CXXC4: variants seen among roughly 807,000 people sequenced by gnomAD.
CXXC4 encodes the protein CXXC finger protein 4.
CXXC4 carries 5 observed loss-of-function variants against 20.5 expected under a neutral mutation model. That is an observed-to-expected ratio of 0.24 (90% CI 0.13 to 0.51). CXXC4 has a LOEUF of 0.51. Among genes scored for constraint, CXXC4 ranks in the 20% least tolerant of loss-of-function variants. The pLI is 0.97. For missense variants in CXXC4, 419 were observed against 496.4 expected, an observed-to-expected ratio of 0.84 and a Z score of 1.48; for synonymous variants, 250 against 216.4, an observed-to-expected ratio of 1.16 and a Z score of -1.36.
rs1353808306 is a variant in CXXC4 at position 104,468,551 on chromosome 4, A to G, written c.*3771T>C. ...TTTAATAGATAACTGCACAGTTCAG[A>G]AGAGGAGAACACTGTGAAAGGAGTA... On this transcript the variant is annotated 3_prime_UTR_variant, in exon 3 of 3. Coordinates refer to ENST00000394767, the MANE Select transcript of CXXC4 (RefSeq NM_025212.4). 1 of 151,938 alleles carries G rather than the reference A, an allele frequency of 6.6e-6. No individual in the cohort carries two copies. The allele number at this position is 151,938 out of a possible 1,614,324, so 9.4% of individuals were successfully genotyped here. A position where few individuals can be genotyped will look rare whatever the true frequency, so the allele number is the denominator to read the frequency against.
intron 2 of CXXC4, among the ~76,000 whole-genome samples, chr4:104,475,986 A>G (rs1280339039): frequency 6.6e-6 from 1 of 152,122 alleles, no homozygotes; most frequent in Admixed American, 6.6e-5. Context: ...TCTTTCTGGT[A>G]CTGCTGTAAA....
intron 2 of CXXC4, among the ~76,000 whole-genome samples, chr4:104,483,785 A>AAC (rs969241417): frequency 4.0e-5 from 6 of 151,832 alleles, no homozygotes; most frequent in East Asian, 3.8e-4. Context: ...GTGAAACATA[A>AAC]ACACACACAC....
chr4:104,491,476 C>G lies in CXXC4; in HGVS notation c.327G>C (p.Gly109=). ...AATAMLWGSG[G]GGGGGGGGGG... is the part of the protein sequence containing the mutation. ...CACCCCCCCCGCCGCCGCCCCCGCC[C>G]CCGCCGCTGCCCCAGAGCATGGCGG... Residue 109 remains glycine, a synonymous_variant, in exon 2 of 3, where the codon GGG becomes GGC. Coordinates refer to ENST00000394767, the MANE Select transcript of CXXC4 (RefSeq NM_025212.4). 1 of 978,760 alleles carries G rather than the reference C, an allele frequency of 1.0e-6. No homozygotes were observed. Among genetic ancestry groups the G allele is most frequent in the Non-Finnish European group, 1.3e-6 (1 of 784,184 alleles). The allele number at this position is 978,760 out of a possible 1,614,324, so 60.6% of individuals were successfully genotyped here.
At position 104,469,628 on chromosome 4, in the gene CXXC4, T is replaced by C. The variant is rs530257438; in HGVS notation, c.*2694A>G. 6.6e-6 allele frequency: 1 copy of C among 152,118 alleles called. No homozygotes were observed. Among genetic ancestry groups the C allele is most frequent in the South Asian group, 2.1e-4 (1 of 4,824 alleles). 9.4% of individuals were successfully genotyped at this position (152,118 alleles called of 1,614,324 possible). The stretch of plus-strand genomic sequence containing the variant: ...TAGAAGTTCTCAGTACAGGGACATA[T>C]GAGGAAGAAAACTAGAGAAAGGCCA... On this transcript the variant is annotated 3_prime_UTR_variant, in exon 3 of 3. Coordinates refer to ENST00000394767, the MANE Select transcript of CXXC4 (RefSeq NM_025212.4).
intron 2 of CXXC4, among the ~76,000 whole-genome samples, chr4:104,487,301 T>C (rs1456285380): frequency 6.6e-6 from 1 of 152,128 alleles, no homozygotes; most frequent in African/African-American, 2.4e-5. Flanking sequence ...TGTAATTCCA[T>C]AAATCAACTA....
At position 104,468,665 on chromosome 4, in the gene CXXC4, G is replaced by T. The variant is rs1736183430; in HGVS notation, c.*3657C>A. On this transcript the variant is annotated 3_prime_UTR_variant, in exon 3 of 3. Coordinates refer to ENST00000394767, the MANE Select transcript of CXXC4 (RefSeq NM_025212.4). ...TATAGTAGCTGTCTTTTATTCACTA[G>T]GAATACAGATCTCAGTGTGAAATGC... 1 of 149,528 alleles carries T rather than the reference G, an allele frequency of 6.7e-6. No homozygotes were observed. Among genetic ancestry groups the T allele is most frequent in the African/African-American group, 2.5e-5 (1 of 40,456 alleles). The allele number at this position is 149,528 out of a possible 1,614,324, so 9.3% of individuals were successfully genotyped here. A position where few individuals can be genotyped will look rare whatever the true frequency, so the allele number is the denominator to read the frequency against.
In CXXC4 at chr4:104,491,071, G is replaced by T; in HGVS notation, c.732C>A (p.Gly244=). ...CGATGACCCCTGGAGGTAATGAGAT[G>T]CCCCCTAAAGCCGGGATAGCGGAAA... ...GTFSAIPALG[G]ISLPPGVIVM... The change falls in exon 2 of 3, where the codon GGC becomes GGA. Residue 244 remains glycine (G), a synonymous_variant. Coordinates refer to ENST00000394767, the MANE Select transcript of CXXC4 (RefSeq NM_025212.4). 6.2e-7 allele frequency: 1 copy of T among 1,614,058 alleles called. No individual in the cohort carries two copies. The highest frequency in any genetic ancestry group is 8.5e-7 in the Non-Finnish European group (1 of 1,179,996).
At chr4:104,477,532 GT>G (rs1362934852) in intron 2 of CXXC4, among the ~76,000 whole-genome samples, 1 of 151,932 alleles carries the variant, frequency 6.6e-6, no homozygotes, top group Non-Finnish European at 1.5e-5. Flanking sequence ...TCCCCCACAA[GT>G]TTTTAGCAGA....
At chr4:104,493,938 C>A (rs1400137389) in intron 1 of CXXC4, among the ~76,000 whole-genome samples, 1 of 152,146 alleles carries the variant, frequency 6.6e-6, no homozygotes, top group African/African-American at 2.4e-5. Context: ...AGTCTTTTGA[C>A]CTTGTTCCAA....
At chr4:104,488,754 A>G (rs1430346724) in intron 2 of CXXC4, among the ~76,000 whole-genome samples, 1 of 152,258 alleles carries the variant, frequency 6.6e-6, no homozygotes, top group Non-Finnish European at 1.5e-5. Context: ...GCATCAAATT[A>G]AAAAATTACA....
intron 2 of CXXC4, among the ~76,000 whole-genome samples, chr4:104,487,610 C>T (rs906570573): frequency 4.6e-5 from 7 of 152,096 alleles, no homozygotes; most frequent in African/African-American, 1.7e-4. Flanking sequence ...TAATATTTTT[C>T]ATTTAGGATA....
chr4:104,482,236 T>C (rs1488191648), intron 2 of CXXC4, among the ~76,000 whole-genome samples: 1 of 152,182 alleles, frequency 6.6e-6, no homozygotes, highest in Non-Finnish European at 1.5e-5. Context: ...ACCTGCAGTT[T>C]GATAAACACA....
intron 2 of CXXC4, among the ~76,000 whole-genome samples, chr4:104,481,648 G>A (rs1736560234): frequency 6.6e-6 from 1 of 151,978 alleles, no homozygotes; most frequent in Admixed American, 6.6e-5. Flanking sequence ...GAACATTTAG[G>A]GTTCTTTAAG....
At position 104,491,500 on chromosome 4, in the gene CXXC4, G is replaced by T; in HGVS notation, c.303C>A (p.Thr101=). The change falls in exon 2 of 3, where the codon ACC becomes ACA. Residue 101 remains threonine, a synonymous_variant. Coordinates refer to ENST00000394767, the MANE Select transcript of CXXC4 (RefSeq NM_025212.4). ...CDNAATAAAA[T]AMLWGSGGGG... is the part of the protein sequence containing the mutation. ...CCCCGCCGCTGCCCCAGAGCATGGC[G>T]GTGGCGGCGGCGGCGGTGGCCGCGT... The T allele has an allele frequency of 8.1e-7, 1 of 1,239,454 alleles. No individual in the cohort carries two copies. Among genetic ancestry groups the T allele is most frequent in the Non-Finnish European group, 1.0e-6 (1 of 955,694 alleles). 76.8% of individuals were successfully genotyped at this position (1,239,454 alleles called of 1,614,324 possible). A position where few individuals can be genotyped will look rare whatever the true frequency, so the allele number is the denominator to read the frequency against.
At chr4:104,489,662 CTTTG>C (rs572323347) in intron 2 of CXXC4, among the ~76,000 whole-genome samples, 32 of 152,296 alleles carry the variant, frequency 2.1e-4, no homozygotes, top group East Asian at 9.6e-4. Context: ...GTCCAGATTT[CTTTG>C]TTTAATATAC....
At chr4:104,486,020 T>C (rs1736683466) in intron 2 of CXXC4, among the ~76,000 whole-genome samples, 1 of 152,136 alleles carries the variant, frequency 6.6e-6, no homozygotes, top group Non-Finnish European at 1.5e-5. Flanking sequence ...TTTGCTCTTA[T>C]ATGCCTTGTG....
intron 2 of CXXC4, among the ~76,000 whole-genome samples, chr4:104,484,267 G>A (rs1170500226): frequency 6.6e-6 from 1 of 151,874 alleles, no homozygotes; most frequent in African/African-American, 2.4e-5. Context: ...TTATTGATGA[G>A]GAAATAAAGT....
At position 104,468,323 on chromosome 4, in the gene CXXC4, T is replaced by A. The variant is rs1736173677; in HGVS notation, c.*3999A>T. 1 of 151,414 alleles carries A rather than the reference T, an allele frequency of 6.6e-6. No individual in the cohort carries two copies. Among genetic ancestry groups the A allele is most frequent in the Admixed American group, 6.6e-5 (1 of 15,156 alleles). The allele number at this position is 151,414 out of a possible 1,614,324, so 9.4% of individuals were successfully genotyped here. ...AATAGAGATATTTTGAGTACTAAAG[T>A]CCTTTATTCAACAACACAGAAATTT... On this transcript the variant is annotated 3_prime_UTR_variant, in exon 3 of 3. Transcript: ENST00000394767.
intron 2 of CXXC4, among the ~76,000 whole-genome samples, chr4:104,487,693 G>A (rs1414703704): frequency 6.6e-6 from 1 of 152,076 alleles, no homozygotes; most frequent in Non-Finnish European, 1.5e-5. Context: ...ACAATTAGTG[G>A]CTATTTTTTT....
Sources: allele counts gnomAD v4.1 joint callset (sites outside exome capture counted in the v4.1 genomes callset), GRCh38; gene constraint gnomAD v4.1.1; transcripts MANE v1.5; gene names NCBI Gene and HGNC (gene_info 2026-07-23, HGNC 2026-07-21).